The following SPAG16 variants were observed in gnomAD, a reference collection of about 807,000 sequenced individuals.
SPAG16 encodes sperm associated antigen 16.
Under a neutral mutation model 80.4 loss-of-function variants are expected in SPAG16, and 86 were observed. The ratio of observed to expected loss-of-function variants is 1.07; its 90% CI spans 0.90 to 1.28. The LOEUF (loss-of-function observed/expected upper bound fraction) is 1.28, where lower values mean the gene tolerates loss of function less well. Ranked by LOEUF, SPAG16 falls within the 50% of genes most tolerant of loss-of-function variation. SPAG16 has a pLI of 0.00. For missense variants in SPAG16, 870 were observed against 765.3 expected (o/e 1.14, Z -1.61); for synonymous variants, 294 against 265.9 (o/e 1.11, Z -1.03).
chr2:214,324,171 G>C (rs1483382758), intron 15 of SPAG16, among the ~76,000 whole-genome samples: 1 of 152,140 alleles, frequency 6.6e-6, no homozygotes, highest in Non-Finnish European at 1.5e-5. Flanking sequence ...TATTAGTTTA[G>C]CAACCTTAAA....
chr2:213,611,656 C>T (rs891391273), intron 10 of SPAG16, among the ~76,000 whole-genome samples: 1 of 152,036 alleles, frequency 6.6e-6, no homozygotes, highest in Non-Finnish European at 1.5e-5. Flanking sequence ...AATAAAATGT[C>T]CAGGGTAAAT....
At chr2:213,462,497 T>C (rs1331331339) in intron 9 of SPAG16, among the ~76,000 whole-genome samples, 1 of 152,144 alleles carries the variant, frequency 6.6e-6, no homozygotes, top group Non-Finnish European at 1.5e-5. Flanking sequence ...CCTACCCAAA[T>C]CTCATCCCGA....
At chr2:213,333,913 A>AT (rs2064222506) in intron 5 of SPAG16, among the ~76,000 whole-genome samples, 1 of 152,182 alleles carries the variant, frequency 6.6e-6, no homozygotes, top group East Asian at 1.9e-4. Context: ...CTAGGCAGAA[A>AT]TTTCTTGAGT....
At position 214,050,623 on chromosome 2, in the gene SPAG16, G is replaced by C. The variant is rs558195227; in HGVS notation, c.1527+36546G>C. Among the ~76,000 whole-genome samples, 153 of 152,174 alleles carry C rather than the reference G, an allele frequency of 1.0e-3. 1 individual carries two copies. The Middle Eastern group carries it at 0.02, about 20-fold the overall frequency. On this transcript the variant is annotated intron_variant, in intron 13 of 15. Coordinates refer to ENST00000331683, the MANE Select transcript of SPAG16 (RefSeq NM_024532.5). ...AGCAATGTATGTACTCCATATATGT[G>C]TATATATACATATAAAAGTATTATG...
chr2:213,765,534 C>T (rs2068891316), intron 10 of SPAG16, among the ~76,000 whole-genome samples: 1 of 152,088 alleles, frequency 6.6e-6, no homozygotes, highest in Non-Finnish European at 1.5e-5. Context: ...GTTAGGGAAT[C>T]CACTTACCTT....
At chr2:214,017,313 G>T (rs576170161) in intron 13 of SPAG16, among the ~76,000 whole-genome samples, 26 of 152,218 alleles carry the variant, frequency 1.7e-4, no homozygotes, top group African/African-American at 6.0e-4. Context: ...CAATGGAAAA[G>T]TAAGATTTTC....
At chr2:213,524,378 G>A (rs1316043750) in intron 10 of SPAG16, among the ~76,000 whole-genome samples, 2 of 152,214 alleles carry the variant, frequency 1.3e-5, no homozygotes, top group African/African-American at 2.4e-5. Flanking sequence ...CCAGAGTAGT[G>A]TGGAAGAGAA....
intron 10 of SPAG16, among the ~76,000 whole-genome samples, chr2:213,783,152 G>GT (rs1159985311): frequency 1.3e-5 from 2 of 148,794 alleles, no homozygotes; most frequent in Admixed American, 6.8e-5. Context: ...GCTGTGTTTG[G>GT]TTTTTTGTTC....
chr2:214,080,641 A>T (rs1412567136), intron 13 of SPAG16, among the ~76,000 whole-genome samples: 4 of 151,618 alleles, frequency 2.6e-5, no homozygotes, highest in African/African-American at 9.7e-5. Flanking sequence ...AAATAAAAAG[A>T]AAAAAGAAAA....
In SPAG16 at chr2:214,118,182, C is replaced by T. The variant is rs1289553102; in HGVS notation, c.1593+9921C>T. ...ACACAAAATCAATAAAAAATAGTAACATTTCTATATGCAATAGCAAACTCT... is the reference window on the plus strand; with the variant it reads ...ACACAAAATCAATAAAAAATAGTAATATTTCTATATGCAATAGCAAACTCT... On this transcript the variant is annotated intron_variant, in intron 14 of 15. Transcript: ENST00000331683. Among the ~76,000 whole-genome samples the T allele has an allele frequency of 3.3e-5, 5 of 152,164 alleles. No homozygotes were observed. In the South Asian group the frequency reaches 8.3e-4, roughly 25 times the overall value.
chr2:213,472,054 A>T (rs1386999785), intron 9 of SPAG16, among the ~76,000 whole-genome samples: 1 of 152,148 alleles, frequency 6.6e-6, no homozygotes, highest in Non-Finnish European at 1.5e-5. Flanking sequence ...TGCTCACTGG[A>T]TTTCATCAGT....
At chr2:214,137,723 A>G (rs1436923452) in intron 14 of SPAG16, among the ~76,000 whole-genome samples, 1 of 152,132 alleles carries the variant, frequency 6.6e-6, no homozygotes, top group East Asian at 1.9e-4. Flanking sequence ...AAGTGACTTT[A>G]TCTCTTTAAG....
intron 4 of SPAG16, among the ~76,000 whole-genome samples, chr2:213,315,978 C>A (rs115742741): frequency 6.6e-6 from 1 of 151,928 alleles, no homozygotes; most frequent in Non-Finnish European, 1.5e-5. Flanking sequence ...TCTTTACTTT[C>A]ATTTCCCACT....
At chr2:213,868,152 C>A (rs924515515) in intron 11 of SPAG16, among the ~76,000 whole-genome samples, 1 of 151,726 alleles carries the variant, frequency 6.6e-6, no homozygotes, top group Non-Finnish European at 1.5e-5. Context: ...TCAATTGCTT[C>A]AAAATGTATG....
At chr2:213,334,631 A>C (rs2064263427) in intron 5 of SPAG16, among the ~76,000 whole-genome samples, 1 of 152,228 alleles carries the variant, frequency 6.6e-6, no homozygotes, top group Admixed American at 6.5e-5. Flanking sequence ...AACCGTAAAA[A>C]TGAATGAGAT....
chr2:214,296,467 C>T (rs570467335), intron 15 of SPAG16, among the ~76,000 whole-genome samples: 1 of 152,190 alleles, frequency 6.6e-6, no homozygotes, highest in African/African-American at 2.4e-5. Context: ...ACACATCTTC[C>T]TACTGTTTTC....
chr2:213,330,170 C>G (rs1009327596), intron 5 of SPAG16, among the ~76,000 whole-genome samples: 1 of 152,252 alleles, frequency 6.6e-6, no homozygotes. Context: ...CACAGAGTCC[C>G]TACTGGAGCA....
At chr2:213,989,440 A>G (rs1391613960) in intron 12 of SPAG16, among the ~76,000 whole-genome samples, 1 of 152,128 alleles carries the variant, frequency 6.6e-6, no homozygotes, top group Non-Finnish European at 1.5e-5. Context: ...ATGGTGCGTT[A>G]TCATGGGGTT....
chr2:213,838,018 G>A (rs534924686), intron 10 of SPAG16, among the ~76,000 whole-genome samples: 196 of 152,144 alleles, frequency 1.3e-3, no homozygotes, highest in African/African-American at 4.6e-3. Flanking sequence ...TTTTGGGGTG[G>A]TATGTCCTGA....
Sources: gnomAD v4.1 joint callset for allele counts (sites outside exome capture counted in the v4.1 genomes callset) on GRCh38, gnomAD v4.1.1 for gene constraint, MANE v1.5 for transcripts, NCBI Gene and HGNC (gene_info 2026-07-23, HGNC 2026-07-21) for gene names.